SP4: variants seen among roughly 807,000 people sequenced by gnomAD.
SP4 encodes the protein Sp4 transcription factor.
A neutral mutation model predicts 72.8 loss-of-function variants in SP4; 19 were observed. That is an observed-to-expected ratio of 0.26 (90% CI 0.18 to 0.38). The LOEUF (loss-of-function observed/expected upper bound fraction) is 0.38, where lower values mean the gene tolerates loss of function less well. Ranked by LOEUF, SP4 falls within the 10% of genes least tolerant of loss-of-function variation. The probability of loss-of-function intolerance (pLI) is 1.00; values close to 1 mark genes in which losing one functional copy is unlikely to be tolerated. For synonymous variants in SP4, 395 were observed against 333.1 expected (o/e 1.19, Z -2.02); for missense variants, 1,008 against 926.3 (o/e 1.09, Z -1.14).
chr7:21,448,627 C>G (rs1783496706), intron 3 of SP4, among the ~76,000 whole-genome samples: 1 of 152,096 alleles, frequency 6.6e-6, no homozygotes, highest in African/African-American at 2.4e-5. Flanking sequence ...GATAGCCTGC[C>G]TACTAGACAG....
intron 4 of SP4, among the ~76,000 whole-genome samples, chr7:21,481,206 A>T (rs545056317): frequency 6.6e-6 from 1 of 152,186 alleles, no homozygotes; most frequent in South Asian, 2.1e-4. Context: ...ACTTAGCAAC[A>T]GGCAACCAGG....
At chr7:21,462,943 CAT>C (rs1164682132) in intron 3 of SP4, among the ~76,000 whole-genome samples, 5 of 152,194 alleles carry the variant, frequency 3.3e-5, no homozygotes, top group African/African-American at 9.7e-5. Context: ...CCGTTGGTCA[CAT>C]GTGGCTTATA....
chr7:21,503,742 C>A (rs1034553620), intron 5 of SP4, among the ~76,000 whole-genome samples: 2 of 152,188 alleles, frequency 1.3e-5, no homozygotes, highest in African/African-American at 4.8e-5. Context: ...TCTGTGAAAT[C>A]TACTTGAATG....
intron 4 of SP4, 142 bp from the exon 5 acceptor site, chr7:21,481,781 CT>C: frequency 1.6e-6 from 1 of 638,370 alleles, no homozygotes; most frequent in Non-Finnish European, 2.7e-6. Context: ...TGAAAATTTT[CT>C]GATTTGAACT....
chr7:21,479,415 C>T (rs1157590676), intron 4 of SP4, among the ~76,000 whole-genome samples: 1 of 152,136 alleles, frequency 6.6e-6, no homozygotes, highest in East Asian at 1.9e-4. Context: ...ATGTTCTTGG[C>T]ACCCATGTCA....
chr7:21,430,108 C>T lies in SP4; in HGVS notation c.943C>T (p.Pro315Ser). The change falls in exon 3 of 6, where the codon CCA becomes TCA. Residue 315 changes from proline (P) to serine (S), a missense_variant. Physicochemically the swap from Pro to Ser is moderately conservative, Grantham distance 74 (BLOSUM62 -1). Around this residue, in one of 3 missense-constraint regions of SP4, gnomAD observed 893 missense variants for 743.3 expected, o/e 1.20. Coordinates refer to ENST00000222584, the MANE Select transcript of SP4 (RefSeq NM_003112.5). ...CACCACTACTTCTGCCAGTACTATG[C>T]CAGAATCTCCCTCCTCCTCCACTAC... is the stretch of plus-strand genomic sequence containing the variant. ...TNTTTSASTM[P>S]ESPSSSTTCT... 3.1e-6 allele frequency: 5 copies of T among 1,614,068 alleles called. No homozygotes were observed. The highest frequency in any genetic ancestry group is 4.2e-6 in the Non-Finnish European group (5 of 1,179,930).
chr7:21,473,657 A>G lies in SP4; in HGVS notation c.1679-3422A>G, dbSNP rs1278575925. Among the ~76,000 whole-genome samples, 5 of 152,218 alleles carry G rather than the reference A, an allele frequency of 3.3e-5. No homozygotes were observed. The South Asian group carries it at 8.3e-4, about 25-fold the overall frequency. ...GGATGGTCAGGAATGGCATTTCTAA[A>G]GAGGAGAGATTTGAACTCAGACCAG... On this transcript the variant is annotated intron_variant, in intron 3 of 5. Coordinates refer to ENST00000222584, the MANE Select transcript of SP4 (RefSeq NM_003112.5).
intron 3 of SP4, among the ~76,000 whole-genome samples, chr7:21,447,633 C>G (rs1048247318): frequency 6.6e-6 from 1 of 152,188 alleles, no homozygotes; most frequent in South Asian, 2.1e-4. Context: ...TTCAGCCTCA[C>G]AACTACTGGC....
At chr7:21,458,304 C>T (rs1418690175) in intron 3 of SP4, among the ~76,000 whole-genome samples, 2 of 152,118 alleles carry the variant, frequency 1.3e-5, no homozygotes, top group African/African-American at 4.8e-5. Flanking sequence ...GCAATTCTTC[C>T]GCCCCAGCCT....
At chr7:21,431,762 A>G (rs569493491) in intron 3 of SP4, among the ~76,000 whole-genome samples, 4 of 152,312 alleles carry the variant, frequency 2.6e-5, no homozygotes, top group African/African-American at 9.6e-5. Flanking sequence ...TGATTTGATG[A>G]AAACCTCGTT....
intron 3 of SP4, among the ~76,000 whole-genome samples, chr7:21,444,150 A>C (rs1226156712): frequency 1.3e-5 from 2 of 152,350 alleles, no homozygotes; most frequent in East Asian, 1.9e-4. Context: ...CCATGAATTC[A>C]GTCAGCAAGT....
rs1782204042 is a variant in SP4, at chr7:21,513,788, A to G, written c.*2519A>G. On this transcript the variant is annotated 3_prime_UTR_variant, in exon 6 of 6. Coordinates refer to ENST00000222584, the MANE Select transcript of SP4 (RefSeq NM_003112.5). The stretch of plus-strand genomic sequence containing the variant: ...TATTATAAATTTATCAGATGAATCT[A>G]GATAGCTTTATAGCATATAAAATAT... 6.6e-6 allele frequency: 1 copy of G among 152,222 alleles called. No individual in the cohort carries two copies. Among genetic ancestry groups the G allele is most frequent in the Non-Finnish European group, 1.5e-5 (1 of 68,022 alleles). The allele number at this position is 152,222 out of a possible 1,614,324, so 9.4% of individuals were successfully genotyped here.
intron 3 of SP4, among the ~76,000 whole-genome samples, chr7:21,470,225 A>G (rs1784293106): frequency 6.6e-6 from 1 of 152,240 alleles, no homozygotes; most frequent in African/African-American, 2.4e-5. Context: ...AGAAACATTC[A>G]TTAAGTACTT....
chr7:21,510,538 C>T (rs529883015), intron 5 of SP4, among the ~76,000 whole-genome samples: 1 of 152,054 alleles, frequency 6.6e-6, no homozygotes, highest in East Asian at 2.0e-4. Flanking sequence ...CCATTTTTGC[C>T]TTGTAAAGAA....
intron 5 of SP4, among the ~76,000 whole-genome samples, chr7:21,499,061 T>C (rs1178353174): frequency 7.8e-6 from 1 of 128,330 alleles, no homozygotes; most frequent in Non-Finnish European, 1.6e-5. Flanking sequence ...GCCTGGGCGA[T>C]GGAGCAAGAC....
At chr7:21,458,146 T>G (rs969673525) in intron 3 of SP4, among the ~76,000 whole-genome samples, 4 of 152,140 alleles carry the variant, frequency 2.6e-5, no homozygotes, top group African/African-American at 9.7e-5. Flanking sequence ...ATTATTTAAA[T>G]AAGTCTTTTC....
At chr7:21,463,660 A>T (rs1784071722) in intron 3 of SP4, among the ~76,000 whole-genome samples, 1 of 152,214 alleles carries the variant, frequency 6.6e-6, no homozygotes, top group Non-Finnish European at 1.5e-5. Context: ...TGGAGAAGAG[A>T]TAGTGCCAAG....
rs1235067706 is a variant in SP4 at position 21,482,634 on chromosome 7, C to G, written c.2107+511C>G. 3.0e-6 allele frequency: 3 copies of G among 983,806 alleles called. No individual in the cohort carries two copies. The African/African-American group carries it at 5.2e-5, about 17-fold the overall frequency. 60.9% of individuals were successfully genotyped at this position (983,806 alleles called of 1,614,324 possible). A position where few individuals can be genotyped will look rare whatever the true frequency, so the allele number is the denominator to read the frequency against. ...AGCAAAGCAGTTATAAAGTGAACAT[C>G]ATGTTTACCCTTTCACCTTTCAAAG... On this transcript the variant is annotated intron_variant, in intron 5 of 5. Transcript: ENST00000222584.
At chr7:21,464,123 T>TC (rs1491316203) in intron 3 of SP4, among the ~76,000 whole-genome samples, 2 of 122,628 alleles carry the variant, frequency 1.6e-5, no homozygotes, top group Non-Finnish European at 3.3e-5. Context: ...GGGCGCTCTC[T>TC]TTTTTTTTTT....
Sources: allele counts gnomAD v4.1 joint callset (sites outside exome capture counted in the v4.1 genomes callset), GRCh38; gene constraint gnomAD v4.1.1; regional missense constraint gnomAD v4.1.1; transcripts MANE v1.5; gene names NCBI Gene and HGNC (gene_info 2026-07-23, HGNC 2026-07-21).